The following CNTNAP2 variants were observed in gnomAD, a reference collection of about 807,000 sequenced individuals.
The protein encoded by CNTNAP2 is contactin associated protein 2.
Under a neutral mutation model 155.2 loss-of-function variants are expected in CNTNAP2, and 98 were observed. That is an observed-to-expected ratio of 0.63 (90% CI 0.54 to 0.75). CNTNAP2 has a LOEUF of 0.75. Among genes scored for constraint, CNTNAP2 ranks in the 30% least tolerant of loss-of-function variants. The pLI is 0.00. For synonymous variants in CNTNAP2, 651 were observed against 631.2 expected (o/e 1.03, Z -0.47); for missense variants, 1,727 against 1,688.1 (o/e 1.02, Z -0.40).
chr7:148,263,097 G>C (rs1225397800), intron 20 of CNTNAP2: 1 of 152,170 alleles, frequency 6.6e-6, no homozygotes, highest in Non-Finnish European at 1.5e-5. Context: ...CTTGCTCGTG[G>C]TAAGATCAGA....
At chr7:148,278,348 C>T (rs368154113) in intron 21 of CNTNAP2, among the ~76,000 whole-genome samples, 57 of 152,072 alleles carry the variant, frequency 3.7e-4, no homozygotes, top group African/African-American at 1.3e-3. Context: ...AGGCAGATCA[C>T]GAGGTCAGGA....
intron 3 of CNTNAP2, among the ~76,000 whole-genome samples, chr7:146,981,724 C>T (rs976699601): frequency 6.6e-6 from 1 of 152,076 alleles, no homozygotes; most frequent in African/African-American, 2.4e-5. Flanking sequence ...TTTCATGAAT[C>T]ATTAAGTTAA....
intron 1 of CNTNAP2, among the ~76,000 whole-genome samples, chr7:146,764,016 C>G (rs1802151124): frequency 6.6e-6 from 1 of 152,172 alleles, no homozygotes; most frequent in Admixed American, 6.5e-5. Context: ...AGGAAATAGA[C>G]TTGGTTTTCA....
chr7:147,619,829 G>C (rs374099320), intron 12 of CNTNAP2, among the ~76,000 whole-genome samples: 4 of 152,166 alleles, frequency 2.6e-5, no homozygotes, highest in Non-Finnish European at 2.9e-5. Flanking sequence ...AGCCTTGAGC[G>C]AACATAGGCA....
chr7:147,199,291 G>A (rs1053291994), intron 8 of CNTNAP2, among the ~76,000 whole-genome samples: 1 of 152,052 alleles, frequency 6.6e-6, no homozygotes, highest in Non-Finnish European at 1.5e-5. Context: ...CATAGCATGA[G>A]TTAAGGGCAA....
intron 1 of CNTNAP2, among the ~76,000 whole-genome samples, chr7:146,644,322 ATG>A (rs1444446998): frequency 4.5e-4 from 69 of 152,244 alleles, no homozygotes; most frequent in African/African-American, 1.4e-3. Flanking sequence ...ATTTTGAGAT[ATG>A]TCCCATCAAT....
intron 5 of CNTNAP2, 119 bp from the exon 6 acceptor site, chr7:147,120,838 TACTGGTATCCCAGGTTAACTCG>T: frequency 1.3e-6 from 1 of 772,610 alleles, no homozygotes; most frequent in South Asian, 1.5e-5. Flanking sequence ...TGTCGTTACT[TACTGGTATCCCAGGTTAACTCG>T]AATGGATAGA....
chr7:148,196,545 A>G (rs747930268), intron 18 of CNTNAP2, among the ~76,000 whole-genome samples: 5 of 152,200 alleles, frequency 3.3e-5, no homozygotes, highest in Non-Finnish European at 5.9e-5. Flanking sequence ...TCCAGCAATG[A>G]TAACAGCTCC....
intron 15 of CNTNAP2, among the ~76,000 whole-genome samples, chr7:148,089,047 C>T (rs185483024): frequency 6.6e-6 from 1 of 152,046 alleles, no homozygotes; most frequent in Admixed American, 6.5e-5. Flanking sequence ...GAATGAAGGA[C>T]AAAACCCATA....
intron 1 of CNTNAP2, among the ~76,000 whole-genome samples, chr7:146,148,562 C>T (rs998283973): frequency 6.6e-6 from 1 of 152,064 alleles, no homozygotes; most frequent in Non-Finnish European, 1.5e-5. Context: ...CTGATAAAGA[C>T]GTGCACGCCT....
chr7:147,725,758 C>G (rs1026896585), intron 13 of CNTNAP2, among the ~76,000 whole-genome samples: 2 of 152,024 alleles, frequency 1.3e-5, no homozygotes, highest in African/African-American at 4.8e-5. Context: ...GTTGTGAACC[C>G]AACACGAGAC....
At chr7:146,123,356 A>G (rs1797590113) in intron 1 of CNTNAP2, among the ~76,000 whole-genome samples, 1 of 152,242 alleles carries the variant, frequency 6.6e-6, no homozygotes, top group Non-Finnish European at 1.5e-5. Flanking sequence ...CCAAACATAT[A>G]TAAGTTTTTC....
intron 14 of CNTNAP2, among the ~76,000 whole-genome samples, chr7:147,914,283 G>C (rs1800120357): frequency 6.6e-6 from 1 of 152,108 alleles, no homozygotes; most frequent in Admixed American, 6.5e-5. Flanking sequence ...GCTCACGCCT[G>C]TGATCCCAGC....
chr7:147,399,016 A>T (rs1373858804), intron 10 of CNTNAP2, among the ~76,000 whole-genome samples: 1 of 151,992 alleles, frequency 6.6e-6, no homozygotes, highest in Admixed American at 6.6e-5. Context: ...AAAAGATAAT[A>T]TTACTGCAAG....
At chr7:146,720,854 C>G (rs1801274717) in intron 1 of CNTNAP2, among the ~76,000 whole-genome samples, 1 of 146,220 alleles carries the variant, frequency 6.8e-6, no homozygotes, top group African/African-American at 2.5e-5. Flanking sequence ...AGAGCTAGAA[C>G]CTATGTAAAC....
intron 3 of CNTNAP2, among the ~76,000 whole-genome samples, chr7:146,940,141 C>A (rs905910629): frequency 1.3e-5 from 2 of 152,094 alleles, no homozygotes; most frequent in African/African-American, 4.8e-5. Context: ...TTTAATATTT[C>A]ATTGATGTCA....
At chr7:147,570,937 A>T (rs1016902862) in intron 12 of CNTNAP2, among the ~76,000 whole-genome samples, 3 of 152,188 alleles carry the variant, frequency 2.0e-5, no homozygotes, top group African/African-American at 7.2e-5. Context: ...AAATCTCTTC[A>T]TTATCATTGA....
chr7:146,297,910 T>TA (rs151199848), intron 1 of CNTNAP2, among the ~76,000 whole-genome samples: 3,339 of 152,076 alleles, frequency 0.022, 141 homozygotes, highest in African/African-American at 0.075. Context: ...CACACGTAAA[T>TA]AAAAAAAACT....
chr7:146,202,524 C>T (rs887317100), intron 1 of CNTNAP2, among the ~76,000 whole-genome samples: 5 of 151,914 alleles, frequency 3.3e-5, no homozygotes, highest in Non-Finnish European at 5.9e-5. Context: ...ATTACACTTC[C>T]GGCAATCCAA....
Sources: allele counts gnomAD v4.1 joint callset (sites outside exome capture counted in the v4.1 genomes callset), GRCh38; gene constraint gnomAD v4.1.1; transcripts MANE v1.5; gene names NCBI Gene and HGNC (gene_info 2026-07-23, HGNC 2026-07-21).